The following THSD4 variants were observed in gnomAD, a reference collection of about 807,000 sequenced individuals.
The protein encoded by THSD4 is thrombospondin type-1 domain-containing protein 4.
Under a neutral mutation model 119.0 loss-of-function variants are expected in THSD4, and 69 were observed. That is an observed-to-expected ratio of 0.58 (90% CI 0.48 to 0.71). THSD4 has a LOEUF of 0.71. Ranked by LOEUF, THSD4 falls within the 30% of genes least tolerant of loss-of-function variation. The pLI is 0.00. For synonymous variants in THSD4, 524 were observed against 540.4 expected, an observed-to-expected ratio of 0.97 and a Z score of 0.42; for missense variants, 1,393 against 1,391.1, an observed-to-expected ratio of 1.00 and a Z score of -0.02.
intron 3 of THSD4, among the ~76,000 whole-genome samples, chr15:71,199,895 GTGTGTGTGGTGCATGTGTGGGGTGT>G (rs1567155096): frequency 0.073 from 10,250 of 141,302 alleles, 101 homozygotes; most frequent in Admixed American, 0.1. Context: ...TGTGTGGTAT[GTGTGTGTGGTGCATGTGTGGGGTGT>G]GTGTGTGTGT....
intron 7 of THSD4, among the ~76,000 whole-genome samples, chr15:71,478,933 A>G (rs1482747608): frequency 1.3e-5 from 2 of 152,206 alleles, no homozygotes; most frequent in African/African-American, 4.8e-5. Flanking sequence ...GCAAGTGAAC[A>G]GGTCTTTAAT....
chr15:71,464,106 C>A (rs976390874), intron 7 of THSD4, among the ~76,000 whole-genome samples: 1 of 152,216 alleles, frequency 6.6e-6, no homozygotes, highest in African/African-American at 2.4e-5. Flanking sequence ...GGACCTCTGA[C>A]TTAGCCATTT....
chr15:71,304,454 A>G (rs926501196), intron 6 of THSD4, among the ~76,000 whole-genome samples: 1 of 152,024 alleles, frequency 6.6e-6, no homozygotes, highest in African/African-American at 2.4e-5. Context: ...CTCTATTCCA[A>G]TGTAGTCATA....
At chr15:71,447,109 ATTTTTTTTGTTTTTT>A (rs2047194092) in intron 7 of THSD4, among the ~76,000 whole-genome samples, 1 of 69,448 alleles carries the variant, frequency 1.4e-5, no homozygotes, top group African/African-American at 5.5e-5. Flanking sequence ...TCTTCCCTCC[ATTTTTTTTGTTTTTT>A]TTTTTTTTTT....
At chr15:71,761,872 C>T (rs143864505) in intron 15 of THSD4, among the ~76,000 whole-genome samples, 13 of 152,314 alleles carry the variant, frequency 8.5e-5, no homozygotes, top group African/African-American at 2.6e-4. Context: ...CTTCCTCTTC[C>T]TTGGCACAGT....
intron 7 of THSD4, among the ~76,000 whole-genome samples, chr15:71,499,843 T>A (rs1196849490): frequency 1.3e-5 from 2 of 152,216 alleles, no homozygotes; most frequent in South Asian, 2.1e-4. Context: ...GTCCTTTTTT[T>A]AAGGATGAAT....
At chr15:71,676,894 A>G (rs1445806827) in intron 8 of THSD4, among the ~76,000 whole-genome samples, 1 of 152,216 alleles carries the variant, frequency 6.6e-6, no homozygotes, top group Non-Finnish European at 1.5e-5. Flanking sequence ...GTTATTGTGA[A>G]TAATGCGCTA....
chr15:71,605,967 C>G (rs1173185040), intron 7 of THSD4, among the ~76,000 whole-genome samples: 1 of 152,166 alleles, frequency 6.6e-6, no homozygotes, highest in East Asian at 1.9e-4. Flanking sequence ...TGAGCTGTGC[C>G]TGAGGCTACT....
At chr15:71,625,335 C>T (rs962058366) in intron 7 of THSD4, among the ~76,000 whole-genome samples, 2 of 152,102 alleles carry the variant, frequency 1.3e-5, no homozygotes, top group Non-Finnish European at 2.9e-5. Context: ...TTGATAAATC[C>T]ATCTATTCTA....
intron 6 of THSD4, among the ~76,000 whole-genome samples, chr15:71,299,522 G>A (rs559615783): frequency 5.6e-4 from 86 of 152,292 alleles, no homozygotes; most frequent in Non-Finnish European, 1.0e-3. Context: ...AAAGAGTTCA[G>A]TTCATAGAAG....
chr15:71,520,251 G>A (rs1317513735), intron 7 of THSD4, among the ~76,000 whole-genome samples: 4 of 152,166 alleles, frequency 2.6e-5, no homozygotes, highest in Admixed American at 6.5e-5. Flanking sequence ...CTAAGGGAGG[G>A]GTCGACTGGT....
intron 1 of THSD4, among the ~76,000 whole-genome samples, chr15:71,122,048 A>G (rs1016109242): frequency 4.4e-4 from 67 of 152,102 alleles, no homozygotes; most frequent in Non-Finnish European, 2.1e-4. Flanking sequence ...CAGGGCGTGT[A>G]GTGACAGTAT....
At chr15:71,568,862 T>C (rs559800862) in intron 7 of THSD4, among the ~76,000 whole-genome samples, 23 of 152,232 alleles carry the variant, frequency 1.5e-4, no homozygotes, top group Non-Finnish European at 2.8e-4. Context: ...GTCCTTGCTA[T>C]AGTTTGCTGA....
rs1422867504 is a variant in THSD4, at chr15:71,737,795, G to T, written c.1694G>T (p.Gly565Val). The change falls in exon 11 of 18, where the codon GGG becomes GTG. Residue 565 changes from glycine to valine, a missense_variant. Gly to Val is a moderately radical substitution (Grantham distance 109). Transcript: ENST00000261862. The part of the protein sequence containing the change: ...GRSQEEGEQK[G>V]RNEEKEDLRG... ...AGCCAGGAGGAGGGAGAACAGAAAG[G>T]GAGGAACGAGGAGAAGGAAGACTTG... 6.2e-7 allele frequency: 1 copy of T among 1,614,104 alleles called. No homozygotes were observed. The highest frequency in any genetic ancestry group is 1.3e-5 in the African/African-American group (1 of 74,954).
At chr15:71,450,284 C>T (rs1250135529) in intron 7 of THSD4, among the ~76,000 whole-genome samples, 1 of 152,282 alleles carries the variant, frequency 6.6e-6, no homozygotes, top group East Asian at 1.9e-4. Context: ...AGTGGAGACT[C>T]ATGCTCTGGG....
intron 15 of THSD4, among the ~76,000 whole-genome samples, chr15:71,764,247 A>G (rs1434848597): frequency 6.6e-6 from 1 of 152,226 alleles, no homozygotes; most frequent in Non-Finnish European, 1.5e-5. Flanking sequence ...CCTTGTCTCA[A>G]AAACAAGGAA....
intron 7 of THSD4, among the ~76,000 whole-genome samples, chr15:71,608,172 G>A (rs1252579509): frequency 1.3e-5 from 2 of 148,516 alleles, no homozygotes; most frequent in Non-Finnish European, 3.0e-5. Flanking sequence ...GCGGTGAGCT[G>A]AGATCGCGCC....
intron 8 of THSD4, among the ~76,000 whole-genome samples, chr15:71,715,810 A>G (rs1304122240): frequency 1.3e-5 from 2 of 149,570 alleles, no homozygotes; most frequent in Non-Finnish European, 3.0e-5. Flanking sequence ...GGATAGGTCT[A>G]TTTAACACTG....
At chr15:71,577,901 TTAGTAGAGG>T (rs914063103) in intron 7 of THSD4, among the ~76,000 whole-genome samples, 1 of 150,430 alleles carries the variant, frequency 6.6e-6, no homozygotes, top group African/African-American at 2.4e-5. Flanking sequence ...GTGTGCGGTT[TTAGTAGAGG>T]TGGGATTTCA....
Sources: allele counts gnomAD v4.1 joint callset (sites outside exome capture counted in the v4.1 genomes callset), GRCh38; gene constraint gnomAD v4.1.1; transcripts MANE v1.5; gene names NCBI Gene and HGNC (gene_info 2026-07-23, HGNC 2026-07-21).